The following GATB variants were observed in gnomAD, a reference collection of about 807,000 sequenced individuals.
The protein encoded by GATB is glutamyl-tRNA(Gln) amidotransferase subunit B, mitochondrial.
In GATB, 39 loss-of-function variants were observed where a neutral mutation model predicts 62.3. That is an observed-to-expected ratio of 0.63 (90% CI 0.48 to 0.82). The LOEUF (loss-of-function observed/expected upper bound fraction) is 0.82. GATB is among the 40% of genes least tolerant of loss of function. GATB has a pLI of 0.00. For missense variants in GATB, 670 were observed against 684.0 expected (o/e 0.98, Z 0.23); for synonymous variants, 276 against 258.9 (o/e 1.07, Z -0.63).
At chr4:151,674,112 G>T (rs1737944655) in intron 11 of GATB, 1 of 152,218 alleles carries the variant, frequency 6.6e-6, no homozygotes, top group Admixed American at 6.5e-5. Context: ...CAGGTCCTGG[G>T]TAAGCTCCCT....
intron 10 of GATB, among the ~76,000 whole-genome samples, chr4:151,687,617 G>A (rs989455507): frequency 3.3e-5 from 5 of 152,156 alleles, no homozygotes; most frequent in African/African-American, 1.2e-4. Context: ...CTATATTGAA[G>A]CGCGATGGTT....
At chr4:151,727,547 C>G (rs1036927406) in intron 2 of GATB, among the ~76,000 whole-genome samples, 1 of 152,010 alleles carries the variant, frequency 6.6e-6, no homozygotes, top group Non-Finnish European at 1.5e-5. Context: ...CTTGTTCCCA[C>G]AACATTCTCA....
At chr4:151,732,439 G>T (rs1289762795) in intron 2 of GATB, among the ~76,000 whole-genome samples, 3 of 151,878 alleles carry the variant, frequency 2.0e-5, no homozygotes, top group African/African-American at 7.3e-5. Context: ...TGTGCTCTGG[G>T]GCATGTGCTG....
intron 11 of GATB, among the ~76,000 whole-genome samples, chr4:151,679,142 C>CCT (rs1311420233): frequency 6.6e-6 from 1 of 152,182 alleles, no homozygotes; most frequent in African/African-American, 2.4e-5. Flanking sequence ...GATCCACCCG[C>CCT]CTCAGCCTAC....
rs142174696 is a variant in GATB, at chr4:151,741,262, T to C, written c.327+17510A>G. On this transcript the variant is annotated intron_variant, in intron 2 of 12. Coordinates refer to ENST00000263985, the MANE Select transcript of GATB (RefSeq NM_004564.3). ...TATGAATGTGGTCTCTCTCAAAATA[T>C]CTTATTCTCCTGTACTGAGGGTAAC... Among the ~76,000 whole-genome samples, 187 of 152,346 alleles carry C rather than the reference T, an allele frequency of 1.2e-3. 1 individual carries two copies. The highest frequency in any genetic ancestry group is 4.4e-3 in the African/African-American group (183 of 41,572).
At chr4:151,675,719 T>G (rs915976529) in intron 11 of GATB, 2 of 152,280 alleles carry the variant, frequency 1.3e-5, no homozygotes, top group African/African-American at 4.8e-5. Flanking sequence ...GACAAACAGA[T>G]GTAACAAGGA....
rs1738602945 is a variant in GATB at position 151,701,449 on chromosome 4, G to T, written c.1077C>A (p.Asp359Glu). Residue 359 changes from aspartate to glutamate, a missense_variant, in exon 9 of 13, where the codon GAC (aspartate) becomes GAA (glutamate). Physicochemically the swap from Asp to Glu is conservative, Grantham distance 45. Transcript: ENST00000263985. ...YDATSLPAGA[D>E]PQQVINIDQI... ...GGTCAATATTGATCACTTGCTGTGG[G>T]TCTGCACCTGCGGGCAGAGATGTGG... 6.2e-7 allele frequency: 1 copy of T among 1,601,962 alleles called. No individual in the cohort carries two copies. Among genetic ancestry groups the T allele is most frequent in the Admixed American group, 1.7e-5 (1 of 58,436 alleles).
chr4:151,703,884 G>T lies in GATB; in HGVS notation c.974C>A (p.Ser325Ter). Residue 325 changes from serine to a stop codon, truncating the protein, a stop_gained, in exon 8 of 13, where the codon TCA becomes TAA. Transcript: ENST00000263985. LOFTEE classifies it high-confidence loss of function. ...CTGTTTTCCTTCTTTGTCTCTCATT[G>T]ACATGGTGCACCTGCAATAGTTAAA... The part of the protein sequence containing the change: ...SFHHKLGCTM[S>*]MRDKEGKQDY... The T allele has an allele frequency of 6.2e-7, 1 of 1,606,838 alleles. No individual in the cohort carries two copies. The highest frequency in any genetic ancestry group is 1.1e-5 in the South Asian group (1 of 90,824).
intron 10 of GATB, 138 bp from the exon 11 acceptor site, chr4:151,680,029 A>G (rs1738104102): frequency 3.0e-6 from 2 of 668,672 alleles, no homozygotes; most frequent in African/African-American, 1.8e-5. Flanking sequence ...CAGCAGGCCA[A>G]CTGGGCTCTC....
At chr4:151,694,915 T>G (rs1415417640) in intron 9 of GATB, among the ~76,000 whole-genome samples, 1 of 152,258 alleles carries the variant, frequency 6.6e-6, no homozygotes, top group Non-Finnish European at 1.5e-5. Flanking sequence ...TCTGTTTCTT[T>G]GTCCCTTGGA....
Position 151,719,530 on chromosome 4 carries a change from G to A in GATB, c.336C>T (p.Asn112=), listed in dbSNP as rs1426189028. 2 of 1,603,308 alleles carry A rather than the reference G, an allele frequency of 1.2e-6. No individual in the cohort carries two copies. The highest frequency in any genetic ancestry group is 1.3e-5 in the African/African-American group (1 of 74,364). Residue 112 remains asparagine, a synonymous_variant, in exon 3 of 13, where the codon AAC becomes AAT. Transcript: ENST00000263985. ...TCACCGCCGCTTCTACACACCTCCTGTTGAGAACCTATGGGAACACAACAC... is the reference window on the plus strand; with the variant it reads ...TCACCGCCGCTTCTACACACCTCCTATTGAGAACCTATGGGAACACAACAC... The part of the protein sequence containing the change: ...ASLPGTLPVL[N]RRCVEAAVMT...
intron 2 of GATB, among the ~76,000 whole-genome samples, chr4:151,748,131 A>G (rs1739639832): frequency 6.6e-6 from 1 of 152,202 alleles, no homozygotes; most frequent in Non-Finnish European, 1.5e-5. Flanking sequence ...TCAAGCTACT[A>G]ATGACTTTCT....
chr4:151,700,651 AGAC>A (rs1479396040), intron 9 of GATB, among the ~76,000 whole-genome samples: 2 of 152,314 alleles, frequency 1.3e-5, no homozygotes, highest in African/African-American at 2.4e-5. Flanking sequence ...CCTTCCTAAC[AGAC>A]GACGACAACG....
intron 6 of GATB, among the ~76,000 whole-genome samples, chr4:151,705,833 G>GC (rs1286442442): frequency 6.6e-6 from 1 of 152,084 alleles, no homozygotes; most frequent in Admixed American, 6.5e-5. Flanking sequence ...AGCTGTTGCT[G>GC]CTTTTTTTTT....
chr4:151,716,989 C>T lies in GATB; in HGVS notation c.527G>A (p.Ser176Asn), dbSNP rs751807356. The T allele has an allele frequency of 3.7e-6, 6 of 1,614,174 alleles. No individual in the cohort carries two copies. The Admixed American group carries it at 1.0e-4, about 27-fold the overall frequency. The change falls in exon 4 of 13, where the codon AGT becomes AAT. Residue 176 changes from serine (S) to asparagine (N), a missense_variant. Physicochemically the swap from Ser to Asn is conservative, Grantham distance 46. Transcript: ENST00000263985. ...CCTCACCGTCTTGGGGATCACCTGA[C>T]TCTGCTTCTTCCCTGCACAGACGCC... is the stretch of plus-strand genomic sequence containing the variant. ...IYGVCAGKKQ[S>N]QVIPKTVRIK...
At chr4:151,724,316 T>A (rs1029064095) in intron 2 of GATB, 4 of 152,358 alleles carry the variant, frequency 2.6e-5, no homozygotes, top group Non-Finnish European at 5.9e-5. Flanking sequence ...CACCACCCAC[T>A]CCCACCAGGA....
At chr4:151,695,397 G>C (rs1157622177) in intron 9 of GATB, among the ~76,000 whole-genome samples, 1 of 152,120 alleles carries the variant, frequency 6.6e-6, no homozygotes, top group Non-Finnish European at 1.5e-5. Flanking sequence ...GTGGAATCAA[G>C]GGTGTCTGTC....
rs181715981 is a variant in GATB at position 151,731,606 on chromosome 4, C to T, written c.328-12068G>A. On this transcript the variant is annotated intron_variant, in intron 2 of 12. Coordinates refer to ENST00000263985, the MANE Select transcript of GATB (RefSeq NM_004564.3). ...CTGGGATGTGAGGAACGCCTCTGCC[C>T]GGCTGCCCAGTCTGGGAAGTGAGGA... Among the ~76,000 whole-genome samples, 658 of 152,168 alleles carry T rather than the reference C, an allele frequency of 4.3e-3. 17 individuals carry two copies. The highest frequency in any genetic ancestry group is 1.4e-3 in the Non-Finnish European group (94 of 67,980).
intron 2 of GATB, among the ~76,000 whole-genome samples, chr4:151,739,910 C>T (rs1739450840): frequency 6.6e-6 from 1 of 152,196 alleles, no homozygotes; most frequent in Non-Finnish European, 1.5e-5. Flanking sequence ...AATCAACATG[C>T]CCACAATGAT....
Sources: gnomAD v4.1 joint callset for allele counts (sites outside exome capture counted in the v4.1 genomes callset) on GRCh38, gnomAD v4.1.1 for gene constraint, MANE v1.5 for transcripts, NCBI Gene and HGNC (gene_info 2026-07-23, HGNC 2026-07-21) for gene names.